The following UMODL1 variants were observed in gnomAD, a reference collection of about 807,000 sequenced individuals.
The protein encoded by UMODL1 is uromodulin-like 1.
A neutral mutation model predicts 136.3 loss-of-function variants in UMODL1; 128 were observed. The observed-to-expected ratio is 0.94, with a 90% CI of 0.81 to 1.09. UMODL1 has a LOEUF of 1.09. Ranked by LOEUF, UMODL1 falls within the 50% of genes least tolerant of loss-of-function variation. UMODL1 has a pLI of 0.00. For synonymous variants in UMODL1, 721 were observed against 720.0 expected (o/e 1.00, Z -0.02); for missense variants, 1,766 against 1,725.6 (o/e 1.02, Z -0.41).
chr21:42,130,489 G>A (rs372889268), intron 21 of UMODL1, among the ~76,000 whole-genome samples: 13 of 151,952 alleles, frequency 8.6e-5, no homozygotes, highest in Admixed American at 4.6e-4. Context: ...GAGAGAAACC[G>A]CTAGTTGTCC....
chr21:42,063,397 C>T (rs1249015073), intron 1 of UMODL1, among the ~76,000 whole-genome samples: 1 of 152,224 alleles, frequency 6.6e-6, no homozygotes, highest in Non-Finnish European at 1.5e-5. Context: ...TGCTGCCCCT[C>T]GGAGTCCCCC....
chr21:42,108,261 C>T (rs759063884), intron 9 of UMODL1: 1 of 488,662 alleles, frequency 2.0e-6, no homozygotes, highest in Non-Finnish European at 4.2e-6. Context: ...AGCCTAGGCT[C>T]CAACCCCAAC....
At position 42,075,111 on chromosome 21, in the gene UMODL1, G is replaced by A. The variant is rs994037399; in HGVS notation, c.77-894G>A. On this transcript the variant is annotated intron_variant, in intron 1 of 22. Coordinates refer to ENST00000408910, the MANE Select transcript of UMODL1 (RefSeq NM_001004416.3). ...GAGGGGCTTTCACCATGTTAGCCAG[G>A]GTGGTCTCGATCTCCTGACCTCGTG... 2.6e-4 allele frequency among the ~76,000 whole-genome samples: 40 copies of A among 152,160 alleles called. 1 individual carries two copies. The highest frequency in any genetic ancestry group is 2.1e-3 in the Admixed American group (32 of 15,284).
At chr21:42,075,980 C>T (rs759261228) in intron 1 of UMODL1, 25 bp from the exon 2 acceptor site, 25 of 1,610,442 alleles carry the variant, frequency 1.6e-5, no homozygotes, top group Middle Eastern at 1.6e-4. Flanking sequence ...TGTTCTCAGT[C>T]GCCTTCTTGC....
At chr21:42,107,162 A>T (rs950297288) in intron 9 of UMODL1, among the ~76,000 whole-genome samples, 12 of 152,070 alleles carry the variant, frequency 7.9e-5, no homozygotes, top group African/African-American at 2.9e-4. Context: ...CTTTCCCAAC[A>T]TCTGCTCTCA....
chr21:42,065,325 T>C (rs1190274633), intron 1 of UMODL1, among the ~76,000 whole-genome samples: 1 of 152,228 alleles, frequency 6.6e-6, no homozygotes, highest in Non-Finnish European at 1.5e-5. Flanking sequence ...CTATTGCTCT[T>C]GCTTCATTAT....
At chr21:42,139,470 C>T (rs2067250380) in intron 22 of UMODL1, among the ~76,000 whole-genome samples, 2 of 152,146 alleles carry the variant, frequency 1.3e-5, no homozygotes, top group African/African-American at 4.8e-5. Context: ...ATGATCCAAC[C>T]ACCTCCCACC....
chr21:42,109,915 T>C (rs746884564), intron 10 of UMODL1, among the ~76,000 whole-genome samples: 1 of 152,264 alleles, frequency 6.6e-6, no homozygotes, highest in Non-Finnish European at 1.5e-5. Flanking sequence ...TAGCTTGGAT[T>C]ACACTCATCT....
intron 2 of UMODL1, among the ~76,000 whole-genome samples, chr21:42,077,965 C>T (rs2066314873): frequency 6.6e-6 from 1 of 152,214 alleles, no homozygotes; most frequent in Admixed American, 6.5e-5. Context: ...CCTCCCTCAG[C>T]CCCCAGTGCT....
intron 9 of UMODL1, among the ~76,000 whole-genome samples, chr21:42,104,454 TC>T (rs2066686141): frequency 6.6e-6 from 1 of 151,520 alleles, no homozygotes; most frequent in African/African-American, 2.4e-5. Context: ...TCTTTTCTTT[TC>T]TTTTTTTTTT....
rs1381768835 is a variant in UMODL1, at chr21:42,113,739, G to T, written c.2271G>T (p.Ser757=). 1 of 1,614,080 alleles carries T rather than the reference G, an allele frequency of 6.2e-7. No homozygotes were observed. Among genetic ancestry groups the T allele is most frequent in the Admixed American group, 1.7e-5 (1 of 60,014 alleles). Reference sequence around the variant, plus strand: ...CCTGGAACACGAGTGTGACACTGTCGGGGCTGGAGCCTGGGGTCTTGCACC... The same window carrying T: ...CCTGGAACACGAGTGTGACACTGTCTGGGCTGGAGCCTGGGGTCTTGCACC... ...LETWNTSVTL[S]GLEPGVLHLV... The change falls in exon 13 of 23, where the codon TCG becomes TCT. Residue 757 remains serine (S), a synonymous_variant. Coordinates refer to ENST00000408910, the MANE Select transcript of UMODL1 (RefSeq NM_001004416.3).
chr21:42,078,442 C>T (rs1203190036), intron 2 of UMODL1, among the ~76,000 whole-genome samples: 2 of 45,762 alleles, frequency 4.4e-5, no homozygotes, highest in African/African-American at 1.7e-4. Context: ...CAACAGAAAC[C>T]AGGCGGGGCC....
intron 2 of UMODL1, among the ~76,000 whole-genome samples, chr21:42,077,002 GGTGTGTGTGTGTGTGTGT>G (rs56409028): frequency 0.016 from 1,760 of 113,264 alleles, 24 homozygotes; most frequent in Middle Eastern, 0.039. Context: ...CCAGGGGAGG[GGTGTGTGTGTGTGTGTGT>G]GTGTGTGTGT....
chr21:42,088,276 C>T lies in UMODL1; in HGVS notation c.604-18C>T, dbSNP rs1391951702. 1 of 1,605,630 alleles carries T rather than the reference C, an allele frequency of 6.2e-7. No homozygotes were observed. The highest frequency in any genetic ancestry group is 2.2e-5 in the East Asian group (1 of 44,638). Reference sequence around the variant, plus strand: ...GGGTGTCCTTCTGCTGTGTGACACTCTGATTCTGCCTTCACAGGTCACCAG... The same window carrying T: ...GGGTGTCCTTCTGCTGTGTGACACTTTGATTCTGCCTTCACAGGTCACCAG... On this transcript the variant is annotated intron_variant, in intron 4 of 22. Transcript: ENST00000408910.
chr21:42,091,064 G>A (rs930855588), intron 6 of UMODL1, among the ~76,000 whole-genome samples: 3 of 152,156 alleles, frequency 2.0e-5, no homozygotes, highest in Non-Finnish European at 2.9e-5. Context: ...CTGGCTAACC[G>A]GCACAGAATA....
chr21:42,090,220 G>A, intron 5 of UMODL1, 78 bp from the exon 6 acceptor site: 1 of 1,588,598 alleles, frequency 6.3e-7, no homozygotes, highest in South Asian at 1.1e-5. Context: ...GTCCACAGAG[G>A]CCGTGTGTGT....
intron 11 of UMODL1, 94 bp from the exon 12 acceptor site, chr21:42,111,412 G>A: frequency 6.2e-7 from 1 of 1,613,496 alleles, no homozygotes; most frequent in Non-Finnish European, 8.5e-7. Context: ...ACACTATCGG[G>A]GTGATAGGCA....
At position 42,115,938 on chromosome 21, in the gene UMODL1, G is replaced by A. The variant is rs371088374; in HGVS notation, c.2428G>A (p.Ala810Thr). ...CAGGTACTCAGAATCCTTTCGCAAC[G>A]CAAGCAGCCAGGAGTATCGAGATTT... The part of the protein sequence containing the change: ...NVRYSESFRN[A>T]SSQEYRDFLE... The change falls in exon 14 of 23, where the codon GCA (alanine) becomes ACA (threonine). Residue 810 changes from alanine (A) to threonine (T), a missense_variant. Physicochemically the swap from Ala to Thr is moderately conservative, Grantham distance 58. Transcript: ENST00000408910. The A allele has an allele frequency of 9.9e-6, 16 of 1,613,936 alleles. No homozygotes were observed. The highest frequency in any genetic ancestry group is 7.7e-5 in the South Asian group (7 of 91,076).
At chr21:42,097,023 G>A (rs548497485) in intron 6 of UMODL1, among the ~76,000 whole-genome samples, 2 of 152,248 alleles carry the variant, frequency 1.3e-5, no homozygotes, top group Admixed American at 6.5e-5. Flanking sequence ...CCCTGGAGAC[G>A]GGGGTGCCAC....
Sources: gnomAD v4.1 joint callset for allele counts (sites outside exome capture counted in the v4.1 genomes callset) on GRCh38, gnomAD v4.1.1 for gene constraint, MANE v1.5 for transcripts, NCBI Gene and HGNC (gene_info 2026-07-23, HGNC 2026-07-21) for gene names.